Variants in L3MBTL4 observed in about 807,000 individuals in gnomAD.
L3MBTL4 encodes the protein lethal(3)malignant brain tumor-like protein 4.
In L3MBTL4, 70 loss-of-function variants were observed where a neutral mutation model predicts 84.5. The observed-to-expected ratio is 0.83, with a 90% CI of 0.68 to 1.01. The LOEUF (loss-of-function observed/expected upper bound fraction) is 1.01, where lower values mean the gene tolerates loss of function less well. Among genes scored for constraint, L3MBTL4 ranks in the 50% least tolerant of loss-of-function variants. The pLI is 0.00. For missense variants in L3MBTL4, 715 were observed against 754.8 expected (o/e 0.95, Z 0.62); for synonymous variants, 274 against 259.8 (o/e 1.05, Z -0.52).
At chr18:6,392,406 G>A (rs1283737213) in intron 1 of L3MBTL4, among the ~76,000 whole-genome samples, 1 of 152,134 alleles carries the variant, frequency 6.6e-6, no homozygotes, top group Non-Finnish European at 1.5e-5. Flanking sequence ...AAAATTAGCT[G>A]GGCATGGTGG....
At chr18:6,033,157 T>C (rs2055921958) in intron 16 of L3MBTL4, among the ~76,000 whole-genome samples, 1 of 152,228 alleles carries the variant, frequency 6.6e-6, no homozygotes, top group South Asian at 2.1e-4. Flanking sequence ...GTTTTGATGG[T>C]CTGTTATTAG....
At chr18:6,192,582 T>A (rs1599088162) in intron 12 of L3MBTL4, among the ~76,000 whole-genome samples, 1 of 151,048 alleles carries the variant, frequency 6.6e-6, no homozygotes, top group African/African-American at 2.4e-5. Context: ...AGAACGAGAG[T>A]GAGGCAAGAG....
At chr18:6,315,110 G>C (rs1323114080) in intron 1 of L3MBTL4, among the ~76,000 whole-genome samples, 5 of 152,124 alleles carry the variant, frequency 3.3e-5, no homozygotes, top group Non-Finnish European at 7.4e-5. Flanking sequence ...GAGTGGCCTG[G>C]GTGTTCACAG....
intron 16 of L3MBTL4, among the ~76,000 whole-genome samples, chr18:6,042,708 C>G (rs746868841): frequency 1.6e-4 from 24 of 152,308 alleles, no homozygotes; most frequent in Middle Eastern, 3.4e-3. Context: ...TTTGGCCAAG[C>G]CTTTGAGTGT....
chr18:6,387,729 G>A (rs2054882037), intron 1 of L3MBTL4, among the ~76,000 whole-genome samples: 1 of 152,208 alleles, frequency 6.6e-6, no homozygotes, highest in African/African-American at 2.4e-5. Context: ...CCAAGAATAG[G>A]TGGAAGGTGG....
At chr18:6,126,844 C>A (rs987780819) in intron 14 of L3MBTL4, among the ~76,000 whole-genome samples, 1 of 152,180 alleles carries the variant, frequency 6.6e-6, no homozygotes, top group African/African-American at 2.4e-5. Flanking sequence ...ATCAGATACT[C>A]TTTTTCCTTT....
chr18:6,077,461 T>C (rs1052891227), intron 16 of L3MBTL4, among the ~76,000 whole-genome samples: 13 of 152,296 alleles, frequency 8.5e-5, no homozygotes, highest in East Asian at 7.7e-4. Flanking sequence ...TTGAAAAAAG[T>C]GTGTTCAGTA....
chr18:6,042,407 C>T (rs934923384), intron 16 of L3MBTL4, among the ~76,000 whole-genome samples: 2 of 151,882 alleles, frequency 1.3e-5, no homozygotes, highest in Non-Finnish European at 2.9e-5. Flanking sequence ...CGTAAATCCA[C>T]ACCTGCCTCC....
rs557261645 is a variant in L3MBTL4 at position 5,958,183 on chromosome 18, A to C, written c.1678-1796T>G. ...AACAAGAAGAAGAAGAAGACGACGA[A>C]GAAGAAGAGGAAGAAAAATCCTGTA... On this transcript the variant is annotated intron_variant, in intron 18 of 18. Coordinates refer to ENST00000317931, the MANE Select transcript of L3MBTL4 (RefSeq NM_001330559.2). Among the ~76,000 whole-genome samples, 96 of 151,702 alleles carry C rather than the reference A, an allele frequency of 6.3e-4. 2 individuals are homozygous for C. Among genetic ancestry groups the C allele is most frequent in the African/African-American group, 2.3e-3 (93 of 41,316 alleles).
intron 5 of L3MBTL4, among the ~76,000 whole-genome samples, chr18:6,253,100 G>A (rs2047997054): frequency 6.6e-6 from 1 of 152,212 alleles, no homozygotes; most frequent in Admixed American, 6.5e-5. Context: ...TACTCGGGAG[G>A]CTGAGGCAGA....
At position 6,381,098 on chromosome 18, in the gene L3MBTL4, T is replaced by G. The variant is rs1282767174; in HGVS notation, c.-91+33703A>C. Among the ~76,000 whole-genome samples, 3 of 152,258 alleles carry G rather than the reference T, an allele frequency of 2.0e-5. No homozygotes were observed. The East Asian group carries it at 5.8e-4, about 29-fold the overall frequency. On this transcript the variant is annotated intron_variant, in intron 1 of 18. Coordinates refer to ENST00000317931, the MANE Select transcript of L3MBTL4 (RefSeq NM_001330559.2). ...GGCCTTCTTTGTCTCTTTTGATCTT[T>G]GTTGGTTTAAAGTCTGTTTTACCAG... is the stretch of plus-strand genomic sequence containing the variant.
intron 13 of L3MBTL4, among the ~76,000 whole-genome samples, chr18:6,169,780 T>C (rs2043874103): frequency 6.6e-6 from 1 of 151,854 alleles, no homozygotes; most frequent in South Asian, 2.1e-4. Context: ...TACACATATG[T>C]AACAAACCTG....
rs1008527244 is a variant in L3MBTL4, at chr18:6,289,693, CT to C, written c.127+12209del. ...CTGGGATGACAACTCTCTACTTCAA[CT>C]TTTTTTTTTCAGATCCTGTAACTTG... On this transcript the variant is annotated intron_variant, in intron 4 of 18. Coordinates refer to ENST00000317931, the MANE Select transcript of L3MBTL4 (RefSeq NM_001330559.2). 1.7e-3 allele frequency among the ~76,000 whole-genome samples: 250 copies of C among 150,142 alleles called. 1 individual carries two copies. The highest frequency in any genetic ancestry group is 3.5e-3 in the Middle Eastern group (1 of 284).
intron 16 of L3MBTL4, among the ~76,000 whole-genome samples, chr18:6,038,045 G>C (rs1310859007): frequency 6.6e-6 from 1 of 152,126 alleles, no homozygotes; most frequent in Non-Finnish European, 1.5e-5. Context: ...AACAGGTTAA[G>C]ATAAGTGGAT....
intron 16 of L3MBTL4, among the ~76,000 whole-genome samples, chr18:5,979,747 G>A (rs900724950): frequency 6.6e-6 from 1 of 152,168 alleles, no homozygotes; most frequent in Admixed American, 6.5e-5. Flanking sequence ...AGATAATCCT[G>A]AAAAGAAGGG....
chr18:5,994,890 CA>C (rs1300384044), intron 16 of L3MBTL4, among the ~76,000 whole-genome samples: 1 of 152,242 alleles, frequency 6.6e-6, no homozygotes, highest in Non-Finnish European at 1.5e-5. Context: ...ATTTAGATGT[CA>C]CACATTTATA....
chr18:6,049,556 T>C (rs1490750742), intron 16 of L3MBTL4, among the ~76,000 whole-genome samples: 2 of 152,190 alleles, frequency 1.3e-5, no homozygotes, highest in Non-Finnish European at 2.9e-5. Context: ...TGAAATCATA[T>C]CTTTTGCAAC....
In L3MBTL4 at chr18:6,234,740, A is replaced by C. The variant is rs141749087; in HGVS notation, c.784+3224T>G. On this transcript the variant is annotated intron_variant, in intron 10 of 18. Transcript: ENST00000317931. ...GGTGGGACTGTAAACTAGTTCAACCATTGTGGAAGACAGTGTGGCGATTCC... is the reference window on the plus strand; with the variant it reads ...GGTGGGACTGTAAACTAGTTCAACCCTTGTGGAAGACAGTGTGGCGATTCC... 7.3e-4 allele frequency among the ~76,000 whole-genome samples: 111 copies of C among 152,342 alleles called. 2 individuals carry two copies. The East Asian group carries it at 0.021, about 28-fold the overall frequency.
At chr18:6,218,849 G>C (rs560009752) in intron 10 of L3MBTL4, among the ~76,000 whole-genome samples, 220 of 152,254 alleles carry the variant, frequency 1.4e-3, no homozygotes, top group Non-Finnish European at 2.7e-3. Flanking sequence ...TAGGGCTGCA[G>C]GGGGAGTGGG....
Sources: allele counts gnomAD v4.1 joint callset (sites outside exome capture counted in the v4.1 genomes callset), GRCh38; gene constraint gnomAD v4.1.1; transcripts MANE v1.5; gene names NCBI Gene and HGNC (gene_info 2026-07-23, HGNC 2026-07-21).